The following NCAPD2 variants were observed in gnomAD, a reference collection of about 807,000 sequenced individuals.
NCAPD2 encodes non-SMC condensin I complex subunit D2, also known as condensin complex subunit 1.
Under a neutral mutation model 164.5 loss-of-function variants are expected in NCAPD2, and 100 were observed. The observed-to-expected ratio is 0.61, with a 90% CI of 0.52 to 0.72. The LOEUF is 0.72. Among genes scored for constraint, NCAPD2 ranks in the 30% least tolerant of loss-of-function variants. NCAPD2 has a pLI of 0.00. For missense variants in NCAPD2, 1,560 were observed against 1,749.2 expected, an observed-to-expected ratio of 0.89 and a Z score of 1.93; for synonymous variants, 585 against 642.6, an observed-to-expected ratio of 0.91 and a Z score of 1.36.
chr12:6,500,723 G>C (rs779385304), intron 2 of NCAPD2, among the ~76,000 whole-genome samples: 6 of 152,198 alleles, frequency 3.9e-5, no homozygotes, highest in Non-Finnish European at 7.3e-5. Flanking sequence ...GATCTCTAGA[G>C]CCTCGTAGAT....
chr12:6,495,198 A>G lies in NCAPD2; in HGVS notation c.100A>G (p.Ile34Val), dbSNP rs752405691. 1.1e-5 allele frequency: 17 copies of G among 1,614,040 alleles called. No individual in the cohort carries two copies. Among genetic ancestry groups the G allele is most frequent in the Admixed American group, 1.7e-5 (1 of 59,998 alleles). The change falls in exon 2 of 32, where the codon ATC (isoleucine) becomes GTC (valine). Residue 34 changes from isoleucine to valine, a missense_variant. Coordinates refer to ENST00000315579, the MANE Select transcript of NCAPD2 (RefSeq NM_014865.4). ...NQYVVQEVLS[I>V]KHLPPQLRAF... The stretch of plus-strand genomic sequence containing the variant: ...GTATGTTGTGCAAGAGGTACTGTCC[A>G]TCAAACATCTTCCACCACAGCTTAG...
chr12:6,498,315 A>G (rs1306067440), intron 2 of NCAPD2, among the ~76,000 whole-genome samples: 2 of 152,272 alleles, frequency 1.3e-5, no homozygotes, highest in South Asian at 4.1e-4. Context: ...TCATTTAACA[A>G]GTATTTACTG....
At position 6,530,932 on chromosome 12, in the gene NCAPD2, C is replaced by A; in HGVS notation, c.3976C>A (p.Gln1326Lys). The change falls in exon 31 of 32, where the codon CAG (glutamine) becomes AAG (lysine). Residue 1326 changes from glutamine (Q) to lysine (K), a missense_variant. Physicochemically the swap from Gln to Lys is moderately conservative, Grantham distance 53. Coordinates refer to ENST00000315579, the MANE Select transcript of NCAPD2 (RefSeq NM_014865.4). ...CCTGCCTTTTCTAGGTTCTAGGTAC[C>A]AGCCTCTGGCTTCTACAGCCTCAGA... ...AKKPSTGSRY[Q>K]PLASTASDND... is the part of the protein sequence containing the mutation. 6.2e-7 allele frequency: 1 copy of A among 1,614,098 alleles called. No homozygotes were observed. Among genetic ancestry groups the A allele is most frequent in the South Asian group, 1.1e-5 (1 of 91,072 alleles).
intron 2 of NCAPD2, among the ~76,000 whole-genome samples, chr12:6,496,766 T>C (rs889188252): frequency 6.6e-6 from 1 of 152,148 alleles, no homozygotes; most frequent in Non-Finnish European, 1.5e-5. Context: ...CAAGCAGTCC[T>C]CCCACCTCAG....
At chr12:6,517,304 A>C in intron 10 of NCAPD2, 61 bp from the exon 11 acceptor site, 1 of 1,589,042 alleles carries the variant, frequency 6.3e-7, no homozygotes, top group Non-Finnish European at 8.5e-7. Context: ...CTTAAAGATC[A>C]TCTTGAACAA....
chr12:6,517,909 T>A lies in NCAPD2; in HGVS notation c.1539T>A (p.Thr513=), dbSNP rs1946219224. 1 of 1,613,958 alleles carries A rather than the reference T, an allele frequency of 6.2e-7. No homozygotes were observed. Among genetic ancestry groups the A allele is most frequent in the African/African-American group, 1.3e-5 (1 of 74,906 alleles). The change falls in exon 13 of 32, where the codon ACT becomes ACA. Residue 513 remains threonine, a synonymous_variant. Coordinates refer to ENST00000315579, the MANE Select transcript of NCAPD2 (RefSeq NM_014865.4). ...IPEQIANTET[T]EDVKGRIYQL... ...AGCAAATTGCCAATACAGAGACAAC[T>A]GAAGATGTGAAAGGACGCATCTATC...
chr12:6,511,309 A>C, intron 6 of NCAPD2, 57 bp downstream of exon 6: 1 of 1,562,276 alleles, frequency 6.4e-7, no homozygotes, highest in Admixed American at 2.0e-5. Flanking sequence ...GGCTCTGTTG[A>C]TAGATATGCC....
intron 13 of NCAPD2, among the ~76,000 whole-genome samples, chr12:6,519,863 A>C (rs981438154): frequency 6.7e-6 from 1 of 149,434 alleles, no homozygotes; most frequent in Non-Finnish European, 1.5e-5. Context: ...GGAAGAGTCC[A>C]TCTCAAAAAA....
At position 6,528,695 on chromosome 12, in the gene NCAPD2, C is replaced by T. The variant is rs1946340880; in HGVS notation, c.3316C>T (p.Gln1106Ter). 2 of 1,612,728 alleles carry T rather than the reference C, an allele frequency of 1.2e-6. No individual in the cohort carries two copies. The highest frequency in any genetic ancestry group is 1.7e-6 in the Non-Finnish European group (2 of 1,178,976). The change falls in exon 26 of 32, where the codon CAG becomes TAG. Residue 1106 changes from glutamine to a stop codon, truncating the protein, a stop_gained. Transcript: ENST00000315579. LOFTEE classifies it high-confidence loss of function. This position sits in a 1 kb window ranked among gnomAD's most constrained non-coding sequence, Gnocchi z 5.1. ...CATTCCTAGTCTCCGGGACCCTGCT[C>T]AGCAAGTGCGGAAAACAGCGGGGCT... ...HLYARLRDPA[Q>*]QVRKTAGLVM...
intron 2 of NCAPD2, among the ~76,000 whole-genome samples, chr12:6,498,397 A>G (rs897729856): frequency 2.6e-5 from 4 of 152,342 alleles, no homozygotes; most frequent in South Asian, 2.1e-4. Context: ...ACAAAATGAC[A>G]AAGTTCTTCC....
At chr12:6,501,622 G>C (rs1396693107) in intron 2 of NCAPD2, among the ~76,000 whole-genome samples, 1 of 152,192 alleles carries the variant, frequency 6.6e-6, no homozygotes, top group Non-Finnish European at 1.5e-5. Flanking sequence ...GTCAGCTAAA[G>C]ATACACATTT....
chr12:6,504,216 T>TACACATATATATATATATACAC (rs1406807438), intron 2 of NCAPD2, among the ~76,000 whole-genome samples: 18 of 23,162 alleles, frequency 7.8e-4, no homozygotes, highest in Non-Finnish European at 1.2e-3. Context: ...TATATATATA[T>TACACATATATATATATATACAC]AGATATAGAT....
In NCAPD2 at chr12:6,517,492, C is replaced by T. The variant is rs779988202; in HGVS notation, c.1313C>T (p.Ser438Phe). 1 of 1,614,082 alleles carries T rather than the reference C, an allele frequency of 6.2e-7. No homozygotes were observed. The highest frequency in any genetic ancestry group is 1.3e-5 in the African/African-American group (1 of 74,918). ...AGTTTTCTAGCCAATAATCCTTTCT[C>T]CTGCAAGGTAAGTAGACTTGGTCCA... ...LASFLANNPF[S>F]CKLSDADLAG... Residue 438 changes from serine (S) to phenylalanine (F), a missense_variant, in exon 11 of 32, where the codon TCC becomes TTC. Physicochemically the swap from Ser to Phe is radical, Grantham distance 155 (BLOSUM62 -2). Coordinates refer to ENST00000315579, the MANE Select transcript of NCAPD2 (RefSeq NM_014865.4).
At chr12:6,518,250 A>T (rs1946222292) in intron 13 of NCAPD2, 4 of 221,810 alleles carry the variant, frequency 1.8e-5, no homozygotes, top group Non-Finnish European at 3.6e-5. Context: ...AATAAGTTCT[A>T]GTTGTATGAT....
At chr12:6,510,177 CGTTTGTTTGTTTGTCT>C in intron 4 of NCAPD2, 44 bp downstream of exon 4, 1 of 1,538,044 alleles carries the variant, frequency 6.5e-7, no homozygotes, top group Non-Finnish European at 9.0e-7. Context: ...TGTTTGTTAT[CGTTTGTTTGTTTGTCT>C]GTTTGTTTGT....
rs1426518772 is a variant in NCAPD2, at chr12:6,517,912, A to G, written c.1542A>G (p.Glu514=). ...AAATTGCCAATACAGAGACAACTGAAGATGTGAAAGGACGCATCTATCAAC... is the reference window on the plus strand; with the variant it reads ...AAATTGCCAATACAGAGACAACTGAGGATGTGAAAGGACGCATCTATCAAC... ...PEQIANTETT[E]DVKGRIYQLL... is the part of the protein sequence containing the mutation. Residue 514 remains glutamate (E), a synonymous_variant, in exon 13 of 32, where the codon GAA becomes GAG. Transcript: ENST00000315579. 6.2e-7 allele frequency: 1 copy of G among 1,614,046 alleles called. No homozygotes were observed. The highest frequency in any genetic ancestry group is 8.5e-7 in the Non-Finnish European group (1 of 1,180,050).
intron 2 of NCAPD2, among the ~76,000 whole-genome samples, chr12:6,506,195 T>C (rs1946097438): frequency 6.6e-6 from 1 of 152,108 alleles, no homozygotes; most frequent in African/African-American, 2.4e-5. Context: ...TGACCTCAAG[T>C]GATCCTCCTG....
At position 6,528,790 on chromosome 12, in the gene NCAPD2, G is replaced by C; in HGVS notation, c.3411G>C (p.Leu1137=). ...VKGQVSEMAV[L]LIDPEPQIAA... ...GGCAGGTCAGCGAGATGGCGGTGCT[G>C]CTCATCGACCCCGAGCCTCAGATTG... The change falls in exon 26 of 32, where the codon CTG becomes CTC. Residue 1137 remains leucine (L), a synonymous_variant. Coordinates refer to ENST00000315579, the MANE Select transcript of NCAPD2 (RefSeq NM_014865.4). This position sits in a 1 kb window ranked among gnomAD's most constrained non-coding sequence, Gnocchi z 5.1. 2 of 1,614,132 alleles carry C rather than the reference G, an allele frequency of 1.2e-6. No homozygotes were observed. Among genetic ancestry groups the C allele is most frequent in the Non-Finnish European group, 1.7e-6 (2 of 1,180,010 alleles).
chr12:6,515,432 G>A (rs1946190005), intron 9 of NCAPD2, among the ~76,000 whole-genome samples: 1 of 152,182 alleles, frequency 6.6e-6, no homozygotes, highest in East Asian at 1.9e-4. Flanking sequence ...CAACCCTCCT[G>A]CCTCAGCCTC....
Sources: allele counts gnomAD v4.1 joint callset (sites outside exome capture counted in the v4.1 genomes callset), GRCh38; gene constraint gnomAD v4.1.1; non-coding constraint Gnocchi (gnomAD v3.1); transcripts MANE v1.5; gene names NCBI Gene and HGNC (gene_info 2026-07-23, HGNC 2026-07-21).